The following ACVR2B variants were observed in gnomAD, a reference collection of about 807,000 sequenced individuals.
ACVR2B encodes the protein activin receptor type-2B.
ACVR2B carries 18 observed loss-of-function variants against 65.1 expected under a neutral mutation model. The ratio of observed to expected loss-of-function variants is 0.28; its 90% CI spans 0.19 to 0.41. The LOEUF (loss-of-function observed/expected upper bound fraction) is 0.41, where lower values mean the gene tolerates loss of function less well. Ranked by LOEUF, ACVR2B falls within the 10% of genes least tolerant of loss-of-function variation. The probability of loss-of-function intolerance (pLI) is 1.00; values close to 1 mark genes in which losing one functional copy is unlikely to be tolerated. For synonymous variants in ACVR2B, 298 were observed against 277.7 expected (o/e 1.07, Z -0.73); for missense variants, 482 against 682.7 (o/e 0.71, Z 3.28).
intron 1 of ACVR2B, among the ~76,000 whole-genome samples, chr3:38,462,340 A>G (rs1271958436): frequency 1.3e-5 from 2 of 152,338 alleles, no homozygotes; most frequent in Admixed American, 6.5e-5. Flanking sequence ...GCTAAGAAGC[A>G]TTTTCACAAA....
chr3:38,461,784 C>G (rs1271302834), intron 1 of ACVR2B, among the ~76,000 whole-genome samples: 1 of 152,178 alleles, frequency 6.6e-6, no homozygotes, highest in East Asian at 1.9e-4. Context: ...CTAGGGTCTC[C>G]TTTTATCACT....
At chr3:38,471,807 G>A (rs903686755) in intron 1 of ACVR2B, among the ~76,000 whole-genome samples, 5 of 152,318 alleles carry the variant, frequency 3.3e-5, no homozygotes, top group South Asian at 2.1e-4. Context: ...CAGGTTTATC[G>A]TGAGGATTAA....
intron 1 of ACVR2B, among the ~76,000 whole-genome samples, chr3:38,468,612 T>A (rs1041687892): frequency 6.6e-6 from 1 of 152,210 alleles, no homozygotes; most frequent in African/African-American, 2.4e-5. Context: ...GTCTTTAGAC[T>A]CATTTTTACC....
chr3:38,482,079 C>T, intron 8 of ACVR2B, 119 bp from the exon 9 acceptor site: 1 of 1,322,240 alleles, frequency 7.6e-7, no homozygotes. Flanking sequence ...TCATTGATAA[C>T]CTGTCTGAAT....
chr3:38,454,347 G>A lies in ACVR2B; in HGVS notation c.25G>A (p.Ala9Thr). 1 of 1,297,146 alleles carries A rather than the reference G, an allele frequency of 7.7e-7. No individual in the cohort carries two copies. The highest frequency in any genetic ancestry group is 9.8e-7 in the Non-Finnish European group (1 of 1,023,462). 80.4% of individuals were successfully genotyped at this position (1,297,146 alleles called of 1,614,324 possible). A position where few individuals can be genotyped will look rare whatever the true frequency, so the allele number is the denominator to read the frequency against. Residue 9 changes from alanine to threonine, a missense_variant, in exon 1 of 11, where the codon GCC becomes ACC. By Grantham distance (58) the Ala-to-Thr change is moderately conservative. This residue lies in a region of ACVR2B where 41 missense variants were observed against 38.2 expected (regional missense o/e 1.07). Transcript: ENST00000352511. MTAPWVAL[A>T]LLWGSLCAGS... Reference sequence around the variant, plus strand: ...CATGACGGCGCCCTGGGTGGCCCTCGCCCTCCTCTGGGGATCGCTGTGCGC... The same window carrying A: ...CATGACGGCGCCCTGGGTGGCCCTCACCCTCCTCTGGGGATCGCTGTGCGC...
At chr3:38,463,093 C>T (rs371587868) in intron 1 of ACVR2B, among the ~76,000 whole-genome samples, 1 of 152,246 alleles carries the variant, frequency 6.6e-6, no homozygotes, top group South Asian at 2.1e-4. Context: ...CTGGAGATAA[C>T]CTCTCGTGCC....
rs1379787379 is a variant in ACVR2B, at chr3:38,485,202, C to T, written c.*1870C>T. 1 of 152,340 alleles carries T rather than the reference C, an allele frequency of 6.6e-6. No homozygotes were observed. The allele number at this position is 152,340 out of a possible 1,614,324, so 9.4% of individuals were successfully genotyped here. A position where few individuals can be genotyped will look rare whatever the true frequency, so the allele number is the denominator to read the frequency against. On this transcript the variant is annotated 3_prime_UTR_variant, in exon 11 of 11. Coordinates refer to ENST00000352511, the MANE Select transcript of ACVR2B (RefSeq NM_001106.4). ...TGTTTGGAGCTTCACATGTAATTCACATGTAACATGTAACTTGATCGGTCA... is the reference window on the plus strand; with the variant it reads ...TGTTTGGAGCTTCACATGTAATTCATATGTAACATGTAACTTGATCGGTCA...
In ACVR2B at chr3:38,477,537, G is replaced by T. The variant is rs369529831; in HGVS notation, c.260+43G>T. The T allele has an allele frequency of 5.1e-5, 82 of 1,593,444 alleles. 1 individual carries two copies. In the South Asian group the frequency reaches 7.7e-4, roughly 15 times the overall value. ...CTCCTTTCCTCTTGGACCCACCTGC[G>T]CTTATACTGCCCACTGGGCCATTTG... is the stretch of plus-strand genomic sequence containing the variant. On this transcript the variant is annotated intron_variant, in intron 2 of 10. Coordinates refer to ENST00000352511, the MANE Select transcript of ACVR2B (RefSeq NM_001106.4). This position sits in a 1 kb window ranked among gnomAD's most constrained non-coding sequence, Gnocchi z 6.7.
At position 38,490,556 on chromosome 3, in the gene ACVR2B, C is replaced by A. The variant is rs776993942; in HGVS notation, c.*7224C>A. On this transcript the variant is annotated 3_prime_UTR_variant, in exon 11 of 11. Coordinates refer to ENST00000352511, the MANE Select transcript of ACVR2B (RefSeq NM_001106.4). ...GTTGTGCCTTTGTTTTTATCACTCTCTTCGCCCCAAAAGCAACTGCTGTAA... is the reference window on the plus strand; with the variant it reads ...GTTGTGCCTTTGTTTTTATCACTCTATTCGCCCCAAAAGCAACTGCTGTAA... 2 of 152,626 alleles carry A rather than the reference C, an allele frequency of 1.3e-5. No homozygotes were observed. The highest frequency in any genetic ancestry group is 2.9e-5 in the Non-Finnish European group (2 of 68,040). The allele number at this position is 152,626 out of a possible 1,614,324, so 9.5% of individuals were successfully genotyped here. A position where few individuals can be genotyped will look rare whatever the true frequency, so the allele number is the denominator to read the frequency against.
intron 1 of ACVR2B, among the ~76,000 whole-genome samples, chr3:38,471,476 A>T (rs1469631473): frequency 6.6e-6 from 1 of 152,176 alleles, no homozygotes; most frequent in Non-Finnish European, 1.5e-5. Flanking sequence ...TCTATGACCT[A>T]GCCAAGAAAC....
Position 38,479,180 on chromosome 3 carries a change from A to C in ACVR2B, c.719A>C (p.Lys240Thr). Residue 240 changes from lysine (K) to threonine (T), a missense_variant, in exon 6 of 11, where the codon AAG (lysine) becomes ACG (threonine). Lys to Thr is a moderately conservative substitution (Grantham distance 78). Coordinates refer to ENST00000352511, the MANE Select transcript of ACVR2B (RefSeq NM_001106.4). ...GAGATCTTCAGCACACCTGGCATGA[A>C]GCACGAGAACCTGCTACAGTTCATT... ...EREIFSTPGMKHENLLQFIAA... is the reference protein window; with the variant it reads ...EREIFSTPGMTHENLLQFIAA... The C allele has an allele frequency of 6.2e-7, 1 of 1,614,180 alleles. No individual in the cohort carries two copies. The highest frequency in any genetic ancestry group is 8.5e-7 in the Non-Finnish European group (1 of 1,180,022).
At chr3:38,482,598 G>T in intron 10 of ACVR2B, 38 bp downstream of exon 10, 1 of 1,602,190 alleles carries the variant, frequency 6.2e-7, no homozygotes, top group South Asian at 1.1e-5. Flanking sequence ...CAGGGGGGTG[G>T]AGAAGGGAAA....
rs553574188 is a variant in ACVR2B at position 38,487,443 on chromosome 3, TC to T, written c.*4112del. The T allele has an allele frequency of 4.6e-5, 7 of 152,432 alleles. No homozygotes were observed. The East Asian group carries it at 1.4e-3, about 29-fold the overall frequency. 9.4% of individuals were successfully genotyped at this position (152,432 alleles called of 1,614,324 possible). A position where few individuals can be genotyped will look rare whatever the true frequency, so the allele number is the denominator to read the frequency against. ...TCCTGTAGTTGGGCTCTGTCACCTT[TC>T]TCTTCAGTTGGCCACATTCTCGTTT... On this transcript the variant is annotated 3_prime_UTR_variant, in exon 11 of 11. Coordinates refer to ENST00000352511, the MANE Select transcript of ACVR2B (RefSeq NM_001106.4).
Position 38,492,335 on chromosome 3 carries a change from A to G in ACVR2B, c.*9003A>G, listed in dbSNP as rs1186859188. 6.6e-6 allele frequency: 1 copy of G among 152,654 alleles called. No individual in the cohort carries two copies. The highest frequency in any genetic ancestry group is 1.5e-5 in the Non-Finnish European group (1 of 68,036). The allele number at this position is 152,654 out of a possible 1,614,324, so 9.5% of individuals were successfully genotyped here. On this transcript the variant is annotated 3_prime_UTR_variant, in exon 11 of 11. Transcript: ENST00000352511. Reference sequence around the variant, plus strand: ...TATTGAGCTGTGTTACCTAACTTGTATATAAAAATTGTAATTAAAAGTTTG... The same window carrying G: ...TATTGAGCTGTGTTACCTAACTTGTGTATAAAAATTGTAATTAAAAGTTTG...
Position 38,492,779 on chromosome 3 carries a change from C to CCTA in ACVR2B, c.*9447_*9448insCTA, listed in dbSNP as rs1559662889. On this transcript the variant is annotated 3_prime_UTR_variant, in exon 11 of 11. Transcript: ENST00000352511. The stretch of plus-strand genomic sequence containing the variant: ...ACACACACACACACACACACACACA[C>CCTA]ACACACACACACACACACACACACA... The CCTA allele has an allele frequency of 2.1e-5, 1 of 48,198 alleles. No homozygotes were observed. Among genetic ancestry groups the CCTA allele is most frequent in the Non-Finnish European group, 5.2e-5 (1 of 19,368 alleles). The allele number at this position is 48,198 out of a possible 1,614,324, so 3.0% of individuals were successfully genotyped here.
chr3:38,472,043 C>G (rs1238863414), intron 1 of ACVR2B, among the ~76,000 whole-genome samples: 4 of 152,136 alleles, frequency 2.6e-5, no homozygotes, highest in African/African-American at 7.2e-5. Flanking sequence ...GGGTTTTTTT[C>G]TCCCCTATTG....
At position 38,454,258 on chromosome 3, in the gene ACVR2B, GC is replaced by G; in HGVS notation, c.-61del. 2.6e-6 allele frequency: 3 copies of G among 1,158,394 alleles called. No homozygotes were observed. The highest frequency in any genetic ancestry group is 3.4e-5 in the South Asian group (1 of 29,816). 71.8% of individuals were successfully genotyped at this position (1,158,394 alleles called of 1,614,324 possible). On this transcript the variant is annotated 5_prime_UTR_variant, in exon 1 of 11. Coordinates refer to ENST00000352511, the MANE Select transcript of ACVR2B (RefSeq NM_001106.4). ...GCGCAGCCGCCGCCTGGCCCTGCGC[GC>G]CCCGGGAGCGCCGTGCGGCCCTGCC... is the stretch of plus-strand genomic sequence containing the variant.
chr3:38,482,396 A>C (rs762802231), intron 9 of ACVR2B, 34 bp from the exon 10 acceptor site: 33 of 1,610,454 alleles, frequency 2.0e-5, no homozygotes, highest in Non-Finnish European at 2.8e-5. Flanking sequence ...GTGGGACCTT[A>C]GAGTGATCCT....
intron 1 of ACVR2B, among the ~76,000 whole-genome samples, chr3:38,459,907 C>T (rs909544196): frequency 2.9e-4 from 44 of 152,148 alleles, no homozygotes; most frequent in Non-Finnish European, 5.4e-4. Flanking sequence ...TGTTTATTTT[C>T]TACTCCTCCC....
Sources: gnomAD v4.1 joint callset for allele counts (sites outside exome capture counted in the v4.1 genomes callset) on GRCh38, gnomAD v4.1.1 for gene constraint, gnomAD v4.1.1 regional missense constraint, Gnocchi (gnomAD v3.1) non-coding constraint, MANE v1.5 for transcripts, NCBI Gene and HGNC (gene_info 2026-07-23, HGNC 2026-07-21) for gene names.